SPECC1L: variants seen among roughly 807,000 people sequenced by gnomAD.
The protein encoded by SPECC1L is cytospin-A.
Under a neutral mutation model 116.8 loss-of-function variants are expected in SPECC1L, and 40 were observed. The observed-to-expected ratio is 0.34, with a 90% CI of 0.27 to 0.45. The LOEUF (loss-of-function observed/expected upper bound fraction) is 0.45, where lower values mean the gene tolerates loss of function less well. Ranked by LOEUF, SPECC1L falls within the 20% of genes least tolerant of loss-of-function variation. The probability of loss-of-function intolerance (pLI) is 1.00; values close to 1 mark genes in which losing one functional copy is unlikely to be tolerated. For synonymous variants in SPECC1L, 504 were observed against 500.6 expected, an observed-to-expected ratio of 1.01 and a Z score of -0.09; for missense variants, 1,110 against 1,373.6, an observed-to-expected ratio of 0.81 and a Z score of 3.03.
At chr22:24,406,564 G>A (rs998682492) in intron 14 of SPECC1L, among the ~76,000 whole-genome samples, 3 of 152,192 alleles carry the variant, frequency 2.0e-5, no homozygotes, top group Non-Finnish European at 2.9e-5. Context: ...GATAGCTGGC[G>A]GGTTGTGTGC....
chr22:24,359,939 C>T (rs147723538), intron 11 of SPECC1L, among the ~76,000 whole-genome samples: 5 of 152,304 alleles, frequency 3.3e-5, no homozygotes, highest in Non-Finnish European at 7.3e-5. Context: ...ATCCCTCACT[C>T]GTAATGACTT....
At chr22:24,395,991 G>A (rs116502897) in intron 14 of SPECC1L, among the ~76,000 whole-genome samples, 111 of 152,236 alleles carry the variant, frequency 7.3e-4, no homozygotes, top group African/African-American at 2.6e-3. Context: ...GATCTTCTTT[G>A]GCTAGATGTT....
At chr22:24,339,168 G>A (rs1251741090) in intron 10 of SPECC1L, among the ~76,000 whole-genome samples, 1 of 152,186 alleles carries the variant, frequency 6.6e-6, no homozygotes, top group African/African-American at 2.4e-5. Context: ...TTCTTCATGT[G>A]ATTTGTCTTC....
intron 4 of SPECC1L, among the ~76,000 whole-genome samples, chr22:24,314,595 C>T (rs2040525262): frequency 6.6e-6 from 1 of 152,076 alleles, no homozygotes; most frequent in Non-Finnish European, 1.5e-5. Context: ...CTGATTCTTG[C>T]AGTTTAATTT....
chr22:24,412,180 T>TG (rs970989198), intron 15 of SPECC1L: 11 of 346,938 alleles, frequency 3.2e-5, no homozygotes, highest in African/African-American at 2.3e-4. Flanking sequence ...GATAGTTCCT[T>TG]GGGGACAGGG....
intron 16 of SPECC1L, 39 bp from the exon 17 acceptor site, chr22:24,414,495 G>A: frequency 6.3e-7 from 1 of 1,575,748 alleles, no homozygotes; most frequent in Non-Finnish European, 8.7e-7. Context: ...GCCTGGAGGT[G>A]ACCTGCAGTT....
At chr22:24,353,895 A>G (rs1012418572) in intron 11 of SPECC1L, among the ~76,000 whole-genome samples, 7 of 152,252 alleles carry the variant, frequency 4.6e-5, no homozygotes, top group Admixed American at 4.6e-4. Context: ...TTGGATTGCT[A>G]TAAAGAAATA....
intron 14 of SPECC1L, among the ~76,000 whole-genome samples, chr22:24,377,152 G>A (rs1221393257): frequency 6.6e-6 from 1 of 152,028 alleles, no homozygotes; most frequent in Non-Finnish European, 1.5e-5. Context: ...TGTTTTTAAG[G>A]TTCATCCATG....
At chr22:24,366,354 C>G (rs373676216) in intron 13 of SPECC1L, among the ~76,000 whole-genome samples, 38 of 152,000 alleles carry the variant, frequency 2.5e-4, no homozygotes, top group African/African-American at 8.9e-4. Flanking sequence ...CCACCTCGCC[C>G]GGCTAATTTT....
intron 8 of SPECC1L, among the ~76,000 whole-genome samples, chr22:24,333,157 G>T (rs2040973052): frequency 1.3e-5 from 2 of 152,186 alleles, no homozygotes; most frequent in Non-Finnish European, 2.9e-5. Context: ...GAACCTGGGA[G>T]GTGGAGGTTG....
At chr22:24,285,678 CTG>C (rs1307244070) in intron 2 of SPECC1L, among the ~76,000 whole-genome samples, 2 of 151,726 alleles carry the variant, frequency 1.3e-5, no homozygotes, top group African/African-American at 4.9e-5. Flanking sequence ...GAGTCTTGCT[CTG>C]TCGCCCAGGC....
Position 24,369,746 on chromosome 22 carries a change from A to G in SPECC1L, c.3087+426A>G, listed in dbSNP as rs191555627. Among the ~76,000 whole-genome samples, 14 of 152,336 alleles carry G rather than the reference A, an allele frequency of 9.2e-5. No individual in the cohort carries two copies. In the East Asian group the frequency reaches 2.7e-3, roughly 29 times the overall value. ...ATCACTTGGGTGAAATAAGTTTGTT[A>G]CCTTTCCACAGTACCCAATATTTCC... On this transcript the variant is annotated intron_variant, in intron 14 of 16. Transcript: ENST00000314328.
chr22:24,326,768 C>T (rs998471709), intron 6 of SPECC1L, among the ~76,000 whole-genome samples: 7 of 152,194 alleles, frequency 4.6e-5, no homozygotes, highest in African/African-American at 1.7e-4. Flanking sequence ...TTTCACAGGA[C>T]CTGACTTTGT....
At chr22:24,385,398 C>T (rs2042142543) in intron 14 of SPECC1L, among the ~76,000 whole-genome samples, 1 of 152,044 alleles carries the variant, frequency 6.6e-6, no homozygotes, top group Admixed American at 6.6e-5. Flanking sequence ...GCTGAATATT[C>T]CAGTTAAAAG....
At chr22:24,395,488 A>G (rs560470636) in intron 14 of SPECC1L, among the ~76,000 whole-genome samples, 3 of 152,348 alleles carry the variant, frequency 2.0e-5, no homozygotes, top group South Asian at 2.1e-4. Flanking sequence ...GTCTTCTCCA[A>G]GGAAGAGATA....
At chr22:24,323,959 T>G (rs2040769825) in intron 5 of SPECC1L, among the ~76,000 whole-genome samples, 1 of 152,254 alleles carries the variant, frequency 6.6e-6, no homozygotes, top group South Asian at 2.1e-4. Flanking sequence ...TTCCAAAGTT[T>G]CCTTGTAAAT....
At chr22:24,272,850 A>G (rs1445565121) in intron 1 of SPECC1L, among the ~76,000 whole-genome samples, 1 of 152,180 alleles carries the variant, frequency 6.6e-6, no homozygotes, top group Non-Finnish European at 1.5e-5. Context: ...TGTATACCAC[A>G]CAGAGTCGCT....
chr22:24,330,157 T>C, intron 7 of SPECC1L, 99 bp from the exon 8 acceptor site: 1 of 1,168,832 alleles, frequency 8.6e-7, no homozygotes, highest in Non-Finnish European at 1.3e-6. Flanking sequence ...TTGGAAGCAT[T>C]AGTGCATTAT....
chr22:24,366,231 C>A lies in SPECC1L; in HGVS notation c.2984+599C>A, dbSNP rs143239176. ...TTTTTTTGAGATGGAGCCTCGCTGT[C>A]GCCCAGGTTGGAGTGCAGTGGCGCG... On this transcript the variant is annotated intron_variant, in intron 13 of 16. Coordinates refer to ENST00000314328, the MANE Select transcript of SPECC1L (RefSeq NM_015330.6). 2.6e-4 allele frequency among the ~76,000 whole-genome samples: 40 copies of A among 151,736 alleles called. 1 individual carries two copies. The East Asian group carries it at 7.4e-3, about 28-fold the overall frequency.
Sources: allele counts gnomAD v4.1 joint callset (sites outside exome capture counted in the v4.1 genomes callset), GRCh38; gene constraint gnomAD v4.1.1; transcripts MANE v1.5; gene names NCBI Gene and HGNC (gene_info 2026-07-23, HGNC 2026-07-21).